XPA: variants seen among roughly 807,000 people sequenced by gnomAD.
XPA encodes the protein XPA, DNA damage recognition and repair factor.
A neutral mutation model predicts 35.7 loss-of-function variants in XPA; 27 were observed. The observed-to-expected ratio is 0.76, with a 90% confidence interval of 0.56 to 1.04. The LOEUF is 1.04. Ranked by LOEUF, XPA falls within the 50% of genes least tolerant of loss-of-function variation. XPA has a pLI of 0.00. For synonymous variants in XPA, 133 were observed against 118.4 expected, an observed-to-expected ratio of 1.12 and a Z score of -0.80; for missense variants, 354 against 342.7, an observed-to-expected ratio of 1.03 and a Z score of -0.26.
the XPA span, among the ~76,000 whole-genome samples, chr9:97,655,394 A>T: frequency 0.11 from 17,146 of 149,278 alleles, 2,732 homozygotes; most frequent in African/African-American, 0.35. Flanking sequence ...ATTTCATAAA[A>T]TTTTTTTTTT....
At chr9:97,666,528 C>T in the XPA span, among the ~76,000 whole-genome samples, 1 of 152,168 alleles carries the variant, frequency 6.6e-6, no homozygotes, top group Non-Finnish European at 1.5e-5. Context: ...AGAAAAATGA[C>T]TACACAGTGC....
chr9:97,678,502 A>G (rs926397620), intron 5 of XPA, among the ~76,000 whole-genome samples: 2 of 152,204 alleles, frequency 1.3e-5, no homozygotes, highest in Non-Finnish European at 2.9e-5. Flanking sequence ...CAAAGTAAGG[A>G]CAGAAATGAA....
chr9:97,655,799 C>G, the XPA span: 1 of 1,546,128 alleles, frequency 6.5e-7, no homozygotes. Context: ...TTTCTGTAGT[C>G]AAAAAACTAC....
chr9:97,683,025 C>T (rs1013895005), intron 5 of XPA, among the ~76,000 whole-genome samples: 1 of 152,180 alleles, frequency 6.6e-6, no homozygotes, highest in Non-Finnish European at 1.5e-5. Context: ...AAAGTACAGA[C>T]AGCCCTCGTT....
downstream of XPA, chr9:97,670,934 A>T: frequency 1.5e-5 from 7 of 480,168 alleles, no homozygotes; most frequent in South Asian, 4.1e-5. Flanking sequence ...AATGTTGGGG[A>T]TTTTCAGGGG....
the XPA span, chr9:97,654,848 G>C: frequency 4.4e-6 from 7 of 1,594,732 alleles, no homozygotes; most frequent in Admixed American, 1.7e-5. Flanking sequence ...GGATAAAAGT[G>C]GAGAATAGTT....
At chr9:97,681,448 AC>A (rs1267882709) in intron 5 of XPA, among the ~76,000 whole-genome samples, 1 of 152,190 alleles carries the variant, frequency 6.6e-6, no homozygotes, top group Non-Finnish European at 1.5e-5. Flanking sequence ...CCACAGGCCC[AC>A]AATGTACAAT....
chr9:97,676,747 T>C (rs536179344), intron 5 of XPA, among the ~76,000 whole-genome samples: 4 of 152,316 alleles, frequency 2.6e-5, no homozygotes, highest in Admixed American at 6.5e-5. Flanking sequence ...AGAGAAGTTA[T>C]AAGTTGCTCA....
chr9:97,674,634 C>T (rs1305556814), downstream of XPA, among the ~76,000 whole-genome samples: 1 of 152,134 alleles, frequency 6.6e-6, no homozygotes, highest in Non-Finnish European at 1.5e-5. Context: ...TGAGACTTCA[C>T]CTTCCTTTCC....
At chr9:97,656,907 G>T in the XPA span, among the ~76,000 whole-genome samples, 1 of 152,186 alleles carries the variant, frequency 6.6e-6, no homozygotes, top group African/African-American at 2.4e-5. Flanking sequence ...AGGTGCTGCT[G>T]AAATTTTGCC....
chr9:97,691,896 T>A (rs995568966), intron 2 of XPA, among the ~76,000 whole-genome samples: 1 of 116,498 alleles, frequency 8.6e-6, no homozygotes. Flanking sequence ...AATATATATA[T>A]ATATATATAT....
At chr9:97,670,518 A>T (rs1828157347), downstream of XPA, among the ~76,000 whole-genome samples, 2 of 151,552 alleles carry the variant, frequency 1.3e-5, no homozygotes, top group African/African-American at 2.5e-5. Context: ...TAGAAGAATG[A>T]TTAATGTAGA....
At chr9:97,687,357 G>T in intron 3 of XPA, 96 bp from the exon 4 acceptor site, 1 of 1,086,946 alleles carries the variant, frequency 9.2e-7, no homozygotes, top group Non-Finnish European at 1.3e-6. Context: ...CAGCAAAAAG[G>T]ACATATAAAA....
intron 2 of XPA, 43 bp from the exon 3 acceptor site, chr9:97,689,682 A>AG (rs1229078760): frequency 8.7e-7 from 1 of 1,148,704 alleles, no homozygotes; most frequent in African/African-American, 1.5e-5. Context: ...TTTTATGACT[A>AG]GAACAATATA....
chr9:97,670,588 T>TA (rs1828158917), downstream of XPA, among the ~76,000 whole-genome samples: 1 of 152,252 alleles, frequency 6.6e-6, no homozygotes, highest in Non-Finnish European at 1.5e-5. Flanking sequence ...ATTTTATAGT[T>TA]ACTGCCAGTT....
chr9:97,671,238 C>A, downstream of XPA: 1 of 1,388,120 alleles, frequency 7.2e-7, no homozygotes, highest in Non-Finnish European at 1.0e-6. Flanking sequence ...TTTTTGATAT[C>A]TTAAAATAAT....
At chr9:97,664,877 T>C in the XPA span, among the ~76,000 whole-genome samples, 1 of 152,300 alleles carries the variant, frequency 6.6e-6, no homozygotes, top group Admixed American at 6.5e-5. Context: ...CCAGGAAAGC[T>C]TGGTGATTAA....
chr9:97,676,889 T>C (rs1482597138), intron 5 of XPA, among the ~76,000 whole-genome samples: 2 of 152,222 alleles, frequency 1.3e-5, no homozygotes, highest in African/African-American at 4.8e-5. Context: ...TTCAGCATCC[T>C]CTCATATTCT....
downstream of XPA, among the ~76,000 whole-genome samples, chr9:97,670,745 AT>A (rs1206612812): frequency 2.6e-5 from 4 of 152,182 alleles, no homozygotes; most frequent in African/African-American, 4.8e-5. Context: ...GTTACAATGT[AT>A]TATGCCCTGA....
Sources: gnomAD v4.1 joint callset for allele counts (sites outside exome capture counted in the v4.1 genomes callset) on GRCh38, gnomAD v4.1.1 for gene constraint, MANE v1.5 for transcripts, NCBI Gene and HGNC (gene_info 2026-07-23, HGNC 2026-07-21) for gene names.